Variants in GLB1 observed in about 807,000 individuals in gnomAD.
The protein encoded by GLB1 is beta-galactosidase.
A neutral mutation model predicts 74.0 loss-of-function variants in GLB1; 56 were observed. The ratio of observed to expected loss-of-function variants is 0.76; its 90% confidence interval spans 0.61 to 0.94. GLB1 has a LOEUF of 0.94. Among genes scored for constraint, GLB1 ranks in the 40% least tolerant of loss-of-function variants. The pLI, the probability that GLB1 is intolerant of heterozygous loss-of-function variation, is 0.00. For missense variants in GLB1, 787 were observed against 845.5 expected, an observed-to-expected ratio of 0.93 and a Z score of 0.86; for synonymous variants, 323 against 323.6, an observed-to-expected ratio of 1.00 and a Z score of 0.02.
chr3:33,005,434 C>T (rs1696745808), intron 15 of GLB1, among the ~76,000 whole-genome samples: 1 of 152,242 alleles, frequency 6.6e-6, no homozygotes, highest in African/African-American at 2.4e-5. Context: ...GCATGGTTTA[C>T]ATATCTCTTA....
At chr3:33,069,070 T>A (rs913710058) in intron 2 of GLB1, 100 bp from the exon 3 acceptor site, 13 of 1,598,258 alleles carry the variant, frequency 8.1e-6, no homozygotes, top group Non-Finnish European at 1.0e-5. Context: ...AACACATGGA[T>A]AAGAGGGAGA....
chr3:32,999,572 T>C (rs1696463790), intron 15 of GLB1, among the ~76,000 whole-genome samples: 1 of 152,190 alleles, frequency 6.6e-6, no homozygotes, highest in Admixed American at 6.5e-5. Flanking sequence ...GTAGGTAAGC[T>C]GGGAATTGTT....
chr3:33,007,433 C>G (rs1463063384), intron 15 of GLB1, among the ~76,000 whole-genome samples: 2 of 152,204 alleles, frequency 1.3e-5, no homozygotes, highest in East Asian at 1.9e-4. Flanking sequence ...TTTGCCTGTT[C>G]CGGACATTTC....
chr3:33,086,269 T>G (rs1482115809), intron 1 of GLB1, among the ~76,000 whole-genome samples: 5 of 152,146 alleles, frequency 3.3e-5, no homozygotes, highest in Non-Finnish European at 7.4e-5. Context: ...GTTGCTGTGG[T>G]ATCAGATCAT....
chr3:33,042,632 G>A (rs1415023885), intron 10 of GLB1, among the ~76,000 whole-genome samples: 2 of 152,128 alleles, frequency 1.3e-5, no homozygotes, highest in African/African-American at 4.8e-5. Flanking sequence ...CTCCCAAAGC[G>A]CTTGGATTAC....
At chr3:33,095,376 A>G (rs1700978404) in intron 1 of GLB1, among the ~76,000 whole-genome samples, 1 of 151,868 alleles carries the variant, frequency 6.6e-6, no homozygotes, top group South Asian at 2.1e-4. Context: ...AAAGAAAAAA[A>G]TTAGTCGGGT....
chr3:32,981,287 C>T, the GLB1 span, among the ~76,000 whole-genome samples: 1 of 149,862 alleles, frequency 6.7e-6, no homozygotes, highest in Non-Finnish European at 1.5e-5. Context: ...CCTGTAGTCC[C>T]AGCTACTCGG....
Position 33,092,693 on chromosome 3 carries a change from GT to G in GLB1, c.75+4317del, listed in dbSNP as rs1700815778. 3.5e-6 allele frequency: 5 copies of G among 1,437,988 alleles called. No homozygotes were observed. In the South Asian group the frequency reaches 7.9e-5, roughly 23 times the overall value. The allele number at this position is 1,437,988 out of a possible 1,614,324, so 89.1% of individuals were successfully genotyped here. A position where few individuals can be genotyped will look rare whatever the true frequency, so the allele number is the denominator to read the frequency against. ...CCAGGCAGGCCCACCATAAGTCACTGTTTGAGTCAGGCTTGTGACCAAGGGT... is the reference window on the plus strand; with the variant it reads ...CCAGGCAGGCCCACCATAAGTCACTGTTGAGTCAGGCTTGTGACCAAGGGT... On this transcript the variant is annotated intron_variant, in intron 1 of 15. Coordinates refer to ENST00000307363, the MANE Select transcript of GLB1 (RefSeq NM_000404.4).
Position 32,997,153 on chromosome 3 carries a change from TG to T in GLB1, c.1925del (p.Pro642GlnfsTer7). Reference protein sequence around the residue: ...ELCAVTFVDRPVIGSSVTYDH... With the variant: ...ELCAVTFVDRXVIGSSVTYDH... ...CGTAGGTCACAGATGAGCCAATAAC[TG>T]GCCTGTCCACGAACGTCACAGCACA... On this transcript the variant is annotated frameshift_variant, in exon 16 of 16. Coordinates refer to ENST00000307363, the MANE Select transcript of GLB1 (RefSeq NM_000404.4). LOFTEE classifies it low-confidence loss of function (END_TRUNC). 6.2e-7 allele frequency: 1 copy of T among 1,614,170 alleles called. No individual in the cohort carries two copies. The highest frequency in any genetic ancestry group is 8.5e-7 in the Non-Finnish European group (1 of 1,180,046).
chr3:33,007,620 G>C (rs142453108), intron 15 of GLB1, among the ~76,000 whole-genome samples: 363 of 152,296 alleles, frequency 2.4e-3, no homozygotes, highest in African/African-American at 8.6e-3. Flanking sequence ...TCAGCTGATG[G>C]ACATTTGGGC....
chr3:32,974,391 A>G, the GLB1 span, among the ~76,000 whole-genome samples: 1 of 152,204 alleles, frequency 6.6e-6, no homozygotes, highest in Non-Finnish European at 1.5e-5. Flanking sequence ...AGGGTTCTCC[A>G]GAGAATCAGA....
chr3:33,053,054 A>G (rs1699061870), intron 7 of GLB1, among the ~76,000 whole-genome samples: 1 of 152,222 alleles, frequency 6.6e-6, no homozygotes, highest in Non-Finnish European at 1.5e-5. Flanking sequence ...GACGGGAAGA[A>G]CGGAGAGAGA....
chr3:33,032,367 T>C lies in GLB1; in HGVS notation c.1069-8042A>G, dbSNP rs73826349. Among the ~76,000 whole-genome samples the C allele has an allele frequency of 2.6e-3, 399 of 152,250 alleles. 3 individuals carry two copies. The highest frequency in any genetic ancestry group is 8.6e-3 in the African/African-American group (359 of 41,542). ...GTCTACCTGGATGTTCCTGGAAATA[T>C]TGAGCTGAATAAGCCCAGAATTGAA... On this transcript the variant is annotated intron_variant, in intron 10 of 15. Coordinates refer to ENST00000307363, the MANE Select transcript of GLB1 (RefSeq NM_000404.4).
chr3:33,016,647 G>T (rs998138342), intron 14 of GLB1, 62 bp downstream of exon 14: 3 of 1,606,742 alleles, frequency 1.9e-6, no homozygotes, highest in Non-Finnish European at 2.6e-6. Flanking sequence ...CCACTGTACT[G>T]GGCTTCAACT....
At chr3:33,072,748 C>T (rs542972884) in intron 1 of GLB1, 35 bp from the exon 2 acceptor site, 3 of 1,613,568 alleles carry the variant, frequency 1.9e-6, no homozygotes, top group South Asian at 1.1e-5. Flanking sequence ...TGAGAACTTC[C>T]ACCTTCTGCA....
the GLB1 span, among the ~76,000 whole-genome samples, chr3:32,974,395 A>G: frequency 2.6e-4 from 39 of 152,190 alleles, no homozygotes; most frequent in Non-Finnish European, 4.6e-4. Context: ...TTCTCCAGAG[A>G]ATCAGAACTA....
Position 33,014,172 on chromosome 3 carries a change from C to T in GLB1, c.1618G>A (p.Ala540Thr), listed in dbSNP as rs753025100. 4.3e-6 allele frequency: 7 copies of T among 1,614,000 alleles called. No homozygotes were observed. The highest frequency in any genetic ancestry group is 4.2e-6 in the Non-Finnish European group (5 of 1,180,026). The change falls in exon 15 of 16, where the codon GCC becomes ACC. Residue 540 changes from alanine to threonine, a missense_variant. By Grantham distance (58) the Ala-to-Thr change is moderately conservative. Transcript: ENST00000307363. Reference sequence around the variant, plus strand: ...AGCGTGTAGTTGGATGAGTTGTGGGCCCAGGCTTCATCATGGTGGCCACTG... The same window carrying T: ...AGCGTGTAGTTGGATGAGTTGTGGGTCCAGGCTTCATCATGGTGGCCACTG... ...RDSGHHDEAW[A>T]HNSSNYTLPA...
At chr3:32,996,601 C>T (rs969802813), downstream of GLB1, 14 of 260,584 alleles carry the variant, frequency 5.4e-5, no homozygotes, top group African/African-American at 2.9e-4. Flanking sequence ...ACAGATCAAA[C>T]CAAGACTATT....
chr3:33,092,671 G>A, intron 1 of GLB1: 2 of 1,407,446 alleles, frequency 1.4e-6, no homozygotes, highest in East Asian at 5.0e-5. Flanking sequence ...GAACATGCCA[G>A]GCAGGCCCAC....
Sources: gnomAD v4.1 joint callset for allele counts (sites outside exome capture counted in the v4.1 genomes callset) on GRCh38, gnomAD v4.1.1 for gene constraint, MANE v1.5 for transcripts, NCBI Gene and HGNC (gene_info 2026-07-23, HGNC 2026-07-21) for gene names.